The following SAMTOR variants were observed in gnomAD, a reference collection of about 807,000 sequenced individuals.
SAMTOR encodes UPF0532 protein C7orf60.
the SAMTOR span, among the ~76,000 whole-genome samples, chr7:112,903,795 C>G: frequency 6.6e-6 from 1 of 152,086 alleles, no homozygotes; most frequent in East Asian, 1.9e-4. Context: ...ATCCAAACTA[C>G]GTATCTTGTA....
At chr7:112,853,889 G>T in the SAMTOR span, among the ~76,000 whole-genome samples, 7 of 152,214 alleles carry the variant, frequency 4.6e-5, 1 homozygote, top group South Asian at 1.5e-3. Flanking sequence ...CTTTGAAGTA[G>T]GGGAATGAGA....
the SAMTOR span, among the ~76,000 whole-genome samples, chr7:112,932,658 T>A: frequency 4.6e-5 from 7 of 152,204 alleles, no homozygotes; most frequent in Middle Eastern, 3.4e-3. Context: ...TGGTAAGTTA[T>A]AAATACCATA....
the SAMTOR span, among the ~76,000 whole-genome samples, chr7:112,914,046 A>G: frequency 6.6e-6 from 1 of 152,212 alleles, no homozygotes; most frequent in Admixed American, 6.5e-5. Context: ...CAAAGTAGAC[A>G]ATCACTAAAT....
the SAMTOR span, among the ~76,000 whole-genome samples, chr7:112,921,207 C>G: frequency 6.6e-6 from 1 of 152,164 alleles, no homozygotes; most frequent in Non-Finnish European, 1.5e-5. Context: ...TACTACAAGG[C>G]TACAGTAACC....
At chr7:112,920,229 T>G in the SAMTOR span, among the ~76,000 whole-genome samples, 2 of 151,936 alleles carry the variant, frequency 1.3e-5, no homozygotes, top group Admixed American at 6.6e-5. Context: ...AATCCAGCAG[T>G]GCATCAAAAA....
chr7:112,934,746 G>C, the SAMTOR span, among the ~76,000 whole-genome samples: 2 of 152,160 alleles, frequency 1.3e-5, no homozygotes, highest in Non-Finnish European at 2.9e-5. Flanking sequence ...GTGGAACCAA[G>C]GCTAAGAACC....
the SAMTOR span, among the ~76,000 whole-genome samples, chr7:112,896,981 G>C: frequency 1.3e-5 from 2 of 152,064 alleles, no homozygotes; most frequent in Non-Finnish European, 2.9e-5. Context: ...TTAAAGTACT[G>C]GGCAGAAGAT....
At chr7:112,847,093 T>C in the SAMTOR span, among the ~76,000 whole-genome samples, 5 of 152,196 alleles carry the variant, frequency 3.3e-5, no homozygotes, top group South Asian at 2.1e-4. Context: ...CTTTTATGTA[T>C]GGAATCAACA....
chr7:112,923,630 T>G, the SAMTOR span, among the ~76,000 whole-genome samples: 2 of 152,170 alleles, frequency 1.3e-5, no homozygotes, highest in African/African-American at 4.8e-5. Flanking sequence ...TGGAAGTCAG[T>G]GTGGTGATTC....
chr7:112,886,695 G>C, the SAMTOR span, among the ~76,000 whole-genome samples: 1 of 152,110 alleles, frequency 6.6e-6, no homozygotes, highest in Non-Finnish European at 1.5e-5. Flanking sequence ...ACTAACACTG[G>C]CCTGAAAGGA....
At chr7:112,924,688 A>T in the SAMTOR span, among the ~76,000 whole-genome samples, 1 of 152,176 alleles carries the variant, frequency 6.6e-6, no homozygotes, top group Non-Finnish European at 1.5e-5. Flanking sequence ...CTATTAACTT[A>T]AAAAAAGCAG....
At chr7:112,916,506 C>T in the SAMTOR span, among the ~76,000 whole-genome samples, 7 of 152,288 alleles carry the variant, frequency 4.6e-5, no homozygotes, top group East Asian at 1.9e-4. Context: ...CAGCTCCCAG[C>T]GTGACTGAAG....
At chr7:112,835,161 C>T in the SAMTOR span, among the ~76,000 whole-genome samples, 1 of 151,992 alleles carries the variant, frequency 6.6e-6, no homozygotes, top group East Asian at 1.9e-4. Flanking sequence ...GGGGTGGCTA[C>T]TATGCATTAT....
At chr7:112,826,946 T>A in the SAMTOR span, among the ~76,000 whole-genome samples, 3 of 152,156 alleles carry the variant, frequency 2.0e-5, no homozygotes, top group African/African-American at 7.2e-5. Context: ...AGTTTATCAG[T>A]TTTTGGTTTA....
the SAMTOR span, chr7:112,821,954 T>G: frequency 2.5e-6 from 4 of 1,613,130 alleles, no homozygotes; most frequent in Non-Finnish European, 3.4e-6. Context: ...TATATAACAT[T>G]CCTGGGTAGT....
chr7:112,895,580 T>C, the SAMTOR span: 1 of 1,552,128 alleles, frequency 6.4e-7, no homozygotes, highest in Non-Finnish European at 8.8e-7. Context: ...CAGTTATAAA[T>C]TCAGGGTTTG....
the SAMTOR span, among the ~76,000 whole-genome samples, chr7:112,928,622 CAAATT>C: frequency 6.6e-6 from 1 of 151,856 alleles, no homozygotes. Flanking sequence ...AAAGTATAAA[CAAATT>C]AAATTAGTTG....
chr7:112,922,923 C>T, the SAMTOR span, among the ~76,000 whole-genome samples: 1 of 148,820 alleles, frequency 6.7e-6, no homozygotes, highest in Non-Finnish European at 1.5e-5. Context: ...CCCATCCGTC[C>T]CTACTGGGAA....
the SAMTOR span, among the ~76,000 whole-genome samples, chr7:112,845,020 G>C: frequency 1.3e-5 from 2 of 152,078 alleles, no homozygotes; most frequent in Non-Finnish European, 2.9e-5. Context: ...AATGGTGCTG[G>C]GATCAGTGGC....
Sources: allele counts gnomAD v4.1 joint callset (sites outside exome capture counted in the v4.1 genomes callset), GRCh38; gene constraint gnomAD v4.1.1; transcripts MANE v1.5; gene names NCBI Gene and HGNC (gene_info 2026-07-23, HGNC 2026-07-21).